The following NDUFA8 variants were observed in gnomAD, a reference collection of about 807,000 sequenced individuals.
The protein encoded by NDUFA8 is NADH:ubiquinone oxidoreductase subunit A8, also known as NADH dehydrogenase [ubiquinone] 1 alpha subcomplex subunit 8.
A neutral mutation model predicts 20.9 loss-of-function variants in NDUFA8; 16 were observed. The observed-to-expected ratio is 0.77, with a 90% CI of 0.52 to 1.16. The LOEUF (loss-of-function observed/expected upper bound fraction) is 1.16. NDUFA8 is among the 50% of genes most tolerant of loss of function. The pLI, the probability that NDUFA8 is intolerant of heterozygous loss-of-function variation, is 0.00. For missense variants in NDUFA8, 202 were observed against 216.4 expected (o/e 0.93, Z 0.42); for synonymous variants, 70 against 76.1 (o/e 0.92, Z 0.41).
the NDUFA8 span, among the ~76,000 whole-genome samples, chr9:122,138,867 G>A: frequency 7.1e-6 from 1 of 140,678 alleles, no homozygotes; most frequent in African/African-American, 2.6e-5. Context: ...AGAAGAGGTG[G>A]GGGGGGGGCC....
At chr9:122,143,399 G>C (rs1428872832), downstream of NDUFA8, among the ~76,000 whole-genome samples, 3 of 152,182 alleles carry the variant, frequency 2.0e-5, no homozygotes, top group Non-Finnish European at 4.4e-5. Flanking sequence ...AGACATAATA[G>C]TGCTTTGAAC....
At position 122,150,410 on chromosome 9, in the gene NDUFA8, C is replaced by CAA. The variant is rs60728190; in HGVS notation, c.215+1833_215+1834dup. 7.0e-3 allele frequency among the ~76,000 whole-genome samples: 138 copies of CAA among 19,656 alleles called. 19 individuals are homozygous for CAA. Among genetic ancestry groups the CAA allele is most frequent in the Non-Finnish European group, 0.017 (119 of 7,120 alleles). The allele number at this position is 19,656 out of a possible 152,430, so 12.9% of individuals were successfully genotyped here. A position where few individuals can be genotyped will look rare whatever the true frequency, so the allele number is the denominator to read the frequency against. ...TGGGCGACAGAGTGACACCCCATCA[C>CAA]AAAAAAAAAAAAAAAAAAAAAAAAA... is the stretch of plus-strand genomic sequence containing the variant. On this transcript the variant is annotated intron_variant, in intron 2 of 3. Coordinates refer to ENST00000373768, the MANE Select transcript of NDUFA8 (RefSeq NM_014222.3).
intron 3 of NDUFA8, among the ~76,000 whole-genome samples, chr9:122,145,733 G>A (rs1828895499): frequency 6.6e-6 from 1 of 152,228 alleles, no homozygotes; most frequent in African/African-American, 2.4e-5. Context: ...AAGTCTTCAA[G>A]TCTACTAGTT....
chr9:122,135,691 G>C, the NDUFA8 span, among the ~76,000 whole-genome samples: 11 of 152,302 alleles, frequency 7.2e-5, no homozygotes, highest in South Asian at 2.1e-3. Context: ...CTGGGCTCAA[G>C]GGATCCTCTC....
intron 3 of NDUFA8, among the ~76,000 whole-genome samples, chr9:122,147,237 G>A (rs972810436): frequency 1.4e-5 from 2 of 145,742 alleles, no homozygotes; most frequent in Non-Finnish European, 3.1e-5. Context: ...GGAACAATGA[G>A]AGGATTAAAA....
At chr9:122,150,933 T>A (rs13297460) in intron 2 of NDUFA8, among the ~76,000 whole-genome samples, 4 of 143,254 alleles carry the variant, frequency 2.8e-5, no homozygotes, top group African/African-American at 1.1e-4. Context: ...GATCACACCA[T>A]TGCACTCCAG....
chr9:122,157,213 G>A (rs1383406548), intron 1 of NDUFA8, among the ~76,000 whole-genome samples: 1 of 152,182 alleles, frequency 6.6e-6, no homozygotes, highest in African/African-American at 2.4e-5. Flanking sequence ...CCCTCACTTA[G>A]AGGGGTCTTC....
Position 122,148,266 on chromosome 9 carries a change from C to T in NDUFA8, c.227G>A (p.Arg76His), listed in dbSNP as rs752054300. 1.2e-5 allele frequency: 20 copies of T among 1,614,108 alleles called. No individual in the cohort carries two copies. The highest frequency in any genetic ancestry group is 1.6e-4 in the Middle Eastern group (1 of 6,062). The change falls in exon 3 of 4, where the codon CGT becomes CAT. Residue 76 changes from arginine to histidine, a missense_variant. Arg to His is a conservative substitution (Grantham distance 29). Coordinates refer to ENST00000373768, the MANE Select transcript of NDUFA8 (RefSeq NM_014222.3). ...CALDFFRQIK[R>H]HCAEPFTEYW... ...TTCTGTAAAAGGCTCTGCACAGTGA[C>T]GTTTTATCTGCCTGGAAAAGAAAGC...
chr9:122,153,552 C>T (rs1192300090), intron 1 of NDUFA8, among the ~76,000 whole-genome samples: 1 of 152,126 alleles, frequency 6.6e-6, no homozygotes, highest in African/African-American at 2.4e-5. Flanking sequence ...AGAAGATACA[C>T]AGTGTAGATA....
At chr9:122,152,441 A>C in intron 1 of NDUFA8, 33 bp from the exon 2 acceptor site, 1 of 1,609,732 alleles carries the variant, frequency 6.2e-7, no homozygotes, top group South Asian at 1.1e-5. Flanking sequence ...AAGGCCACAG[A>C]CTGTGAACCA....
chr9:122,145,634 T>C (rs1828894488), intron 3 of NDUFA8, among the ~76,000 whole-genome samples: 1 of 152,236 alleles, frequency 6.6e-6, no homozygotes, highest in Non-Finnish European at 1.5e-5. Context: ...TTATGAGGCA[T>C]TATTATCTCT....
intron 1 of NDUFA8, among the ~76,000 whole-genome samples, chr9:122,153,719 C>A (rs1265538594): frequency 6.6e-6 from 1 of 152,172 alleles, no homozygotes; most frequent in Non-Finnish European, 1.5e-5. Flanking sequence ...TCTGGGAGAA[C>A]CATCCTCCTC....
intron 3 of NDUFA8, among the ~76,000 whole-genome samples, chr9:122,144,630 C>T (rs1828874555): frequency 6.6e-6 from 1 of 152,182 alleles, no homozygotes; most frequent in South Asian, 2.1e-4. Context: ...AAGGGGATCA[C>T]AGTCTAGTGA....
chr9:122,159,698 C>A lies in NDUFA8; in HGVS notation c.-21G>T, dbSNP rs781254665. On this transcript the variant is annotated 5_prime_UTR_variant, in exon 1 of 4. Coordinates refer to ENST00000373768, the MANE Select transcript of NDUFA8 (RefSeq NM_014222.3). The stretch of plus-strand genomic sequence containing the variant: ...GGCATGACGGCTGCAGCCCCGACCC[C>A]GACGAGAAGCCCTCAGCCGCGTCGC... The A allele has an allele frequency of 6.2e-7, 1 of 1,614,104 alleles. No individual in the cohort carries two copies. Among genetic ancestry groups the A allele is most frequent in the East Asian group, 2.2e-5 (1 of 44,884 alleles).
chr9:122,138,805 G>A, the NDUFA8 span, among the ~76,000 whole-genome samples: 2 of 134,392 alleles, frequency 1.5e-5, no homozygotes, highest in African/African-American at 5.5e-5. Flanking sequence ...GTTGACAGCC[G>A]CTTCACAAAG....
chr9:122,147,617 A>ATTTTTTTTTTTTT (rs34576446), intron 3 of NDUFA8, among the ~76,000 whole-genome samples: 1 of 106,762 alleles, frequency 9.4e-6, no homozygotes, highest in Non-Finnish European at 1.8e-5. Flanking sequence ...GCCTAAAGAA[A>ATTTTTTTTTTTTT]TTTTTTTTTT....
At chr9:122,153,438 C>A (rs1324347112) in intron 1 of NDUFA8, among the ~76,000 whole-genome samples, 2 of 71,178 alleles carry the variant, frequency 2.8e-5, no homozygotes, top group Non-Finnish European at 6.3e-5. Context: ...TAATAAAGTA[C>A]TAAAATCTGC....
In NDUFA8 at chr9:122,144,198, C is replaced by A; in HGVS notation, c.*43G>T. 3 of 1,612,500 alleles carry A rather than the reference C, an allele frequency of 1.9e-6. No individual in the cohort carries two copies. Among genetic ancestry groups the A allele is most frequent in the South Asian group, 2.2e-5 (2 of 90,904 alleles). On this transcript the variant is annotated 3_prime_UTR_variant, in exon 4 of 4. Coordinates refer to ENST00000373768, the MANE Select transcript of NDUFA8 (RefSeq NM_014222.3). The stretch of plus-strand genomic sequence containing the variant: ...AAACCGCATGGGCGTTTTCATCAGT[C>A]GTTGTCTGAGCACATGACCGAGTGT...
At chr9:122,144,929 G>A (rs1436574722) in intron 3 of NDUFA8, among the ~76,000 whole-genome samples, 1 of 152,154 alleles carries the variant, frequency 6.6e-6, no homozygotes, top group Non-Finnish European at 1.5e-5. Flanking sequence ...AGAATGGAGG[G>A]AGATGAAGCA....
Sources: allele counts gnomAD v4.1 joint callset (sites outside exome capture counted in the v4.1 genomes callset), GRCh38; gene constraint gnomAD v4.1.1; transcripts MANE v1.5; gene names NCBI Gene and HGNC (gene_info 2026-07-23, HGNC 2026-07-21).